TNNI3K: variants seen among roughly 807,000 people sequenced by gnomAD.
TNNI3K encodes the protein serine/threonine-protein kinase TNNI3K.
In TNNI3K, 140 loss-of-function variants were observed where a neutral mutation model predicts 114.5. The observed-to-expected ratio is 1.22, with a 90% confidence interval of 1.07 to 1.41. The LOEUF is 1.41. Among genes scored for constraint, TNNI3K ranks in the 40% most tolerant of loss-of-function variants. The pLI is 0.00. For missense variants in TNNI3K, 1,125 were observed against 1,007.6 expected (o/e 1.12, Z -1.58); for synonymous variants, 347 against 347.5 (o/e 1.00, Z 0.02).
At chr1:74,301,354 C>T (rs979279717) in intron 5 of TNNI3K, among the ~76,000 whole-genome samples, 7 of 151,906 alleles carry the variant, frequency 4.6e-5, no homozygotes, top group South Asian at 2.1e-4. Flanking sequence ...GAGCCGAGAT[C>T]GAGCCACTGC....
At chr1:74,288,905 G>T (rs1018159512) in intron 5 of TNNI3K, among the ~76,000 whole-genome samples, 4 of 151,878 alleles carry the variant, frequency 2.6e-5, no homozygotes, top group Non-Finnish European at 4.4e-5. Flanking sequence ...TTATTTGTCA[G>T]TTATACCTCA....
chr1:74,462,190 A>T lies in TNNI3K; in HGVS notation c.2012-1251A>T, dbSNP rs1446105149. Reference sequence around the variant, plus strand: ...TTGGCAAAATTAGGTAATCATTCAGAATAATCCATAAAGTGTTGATCAAAT... The same window carrying T: ...TTGGCAAAATTAGGTAATCATTCAGTATAATCCATAAAGTGTTGATCAAAT... On this transcript the variant is annotated intron_variant, in intron 20 of 24. Coordinates refer to ENST00000326637, the MANE Select transcript of TNNI3K (RefSeq NM_015978.3). Among the ~76,000 whole-genome samples, 3 of 152,340 alleles carry T rather than the reference A, an allele frequency of 2.0e-5. No homozygotes were observed. In the South Asian group the frequency reaches 6.2e-4, roughly 32 times the overall value.
intron 20 of TNNI3K, among the ~76,000 whole-genome samples, chr1:74,460,072 C>T (rs1667384852): frequency 6.6e-6 from 1 of 151,714 alleles, no homozygotes; most frequent in South Asian, 2.1e-4. Context: ...TATTTAACAA[C>T]ATATAACTTT....
At chr1:74,238,429 A>C (rs935859225) in intron 2 of TNNI3K, among the ~76,000 whole-genome samples, 3 of 152,058 alleles carry the variant, frequency 2.0e-5, no homozygotes, top group African/African-American at 7.2e-5. Context: ...GAGTAGTTGG[A>C]AATTTCTATT....
intron 23 of TNNI3K, among the ~76,000 whole-genome samples, chr1:74,537,562 A>C (rs1394797338): frequency 6.6e-6 from 1 of 152,212 alleles, no homozygotes; most frequent in Non-Finnish European, 1.5e-5. Flanking sequence ...GTAATAATTT[A>C]ATTTTATTTA....
intron 17 of TNNI3K, among the ~76,000 whole-genome samples, chr1:74,428,980 A>G (rs1374040049): frequency 1.3e-5 from 2 of 152,068 alleles, no homozygotes; most frequent in African/African-American, 2.4e-5. Context: ...TTATTTGGCC[A>G]TGAACTTAAA....
chr1:74,437,092 T>C (rs995836050), intron 19 of TNNI3K, among the ~76,000 whole-genome samples: 3 of 152,104 alleles, frequency 2.0e-5, no homozygotes, highest in African/African-American at 7.2e-5. Flanking sequence ...CTTCTCTTTC[T>C]GGACTACTTG....
At chr1:74,393,793 C>T (rs1232691038) in intron 17 of TNNI3K, among the ~76,000 whole-genome samples, 2 of 152,098 alleles carry the variant, frequency 1.3e-5, no homozygotes, top group African/African-American at 2.4e-5. Context: ...ACTATTTCAC[C>T]TCAGATCATT....
At chr1:74,353,398 T>C (rs778596667) in intron 10 of TNNI3K, 38 bp downstream of exon 10, 2 of 1,603,968 alleles carry the variant, frequency 1.2e-6, no homozygotes, top group East Asian at 4.5e-5. Flanking sequence ...TTCTATATGC[T>C]TATCAATGAT....
At chr1:74,368,006 G>A in intron 13 of TNNI3K, 42 bp downstream of exon 13, 1 of 1,487,518 alleles carries the variant, frequency 6.7e-7, no homozygotes, top group Non-Finnish European at 9.0e-7. Flanking sequence ...AATTACTAAG[G>A]ATAACTATTG....
At chr1:74,406,690 A>C (rs1329816140) in intron 17 of TNNI3K, among the ~76,000 whole-genome samples, 1 of 152,216 alleles carries the variant, frequency 6.6e-6, no homozygotes, top group Non-Finnish European at 1.5e-5. Flanking sequence ...TGTACAGTTT[A>C]ACACATTTAT....
At chr1:74,254,987 T>C (rs1557453180) in intron 4 of TNNI3K, among the ~76,000 whole-genome samples, 1 of 152,166 alleles carries the variant, frequency 6.6e-6, no homozygotes, top group East Asian at 1.9e-4. Context: ...TAAAGCAAAA[T>C]TAGGAATGCC....
intron 17 of TNNI3K, chr1:74,375,670 A>G (rs1234031281): frequency 8.8e-6 from 4 of 452,094 alleles, no homozygotes; most frequent in Admixed American, 2.4e-5. Flanking sequence ...CAACTTTGAC[A>G]CCCTATGATA....
intron 23 of TNNI3K, among the ~76,000 whole-genome samples, chr1:74,513,902 T>C (rs574026691): frequency 1.3e-5 from 2 of 152,334 alleles, no homozygotes; most frequent in Admixed American, 6.5e-5. Context: ...AAAGCTCAGA[T>C]GCATCTGGTG....
chr1:74,410,799 T>C (rs1430909867), intron 17 of TNNI3K, among the ~76,000 whole-genome samples: 1 of 152,234 alleles, frequency 6.6e-6, no homozygotes, highest in Admixed American at 6.5e-5. Flanking sequence ...TATGCTCTTA[T>C]GGTGCTCTCA....
chr1:74,250,113 C>T (rs1009281883), intron 3 of TNNI3K, among the ~76,000 whole-genome samples: 7 of 152,030 alleles, frequency 4.6e-5, no homozygotes, highest in Non-Finnish European at 7.4e-5. Flanking sequence ...TTTGTTAATC[C>T]AAACTAAATT....
Position 74,513,680 on chromosome 1 carries a change from C to T in TNNI3K, c.2351+21414C>T, listed in dbSNP as rs115510123. ...AGTCATCCTTTTTGTTTCAGAGTTT[C>T]ATGTTTAGGGGTTGAAAAGCTAGAT... On this transcript the variant is annotated intron_variant, in intron 23 of 24. Transcript: ENST00000326637. 8.8e-3 allele frequency among the ~76,000 whole-genome samples: 1,344 copies of T among 152,220 alleles called. 19 individuals carry two copies. Among genetic ancestry groups the T allele is most frequent in the African/African-American group, 0.031 (1,271 of 41,530 alleles).
At chr1:74,345,432 A>C (rs1237568225) in intron 9 of TNNI3K, among the ~76,000 whole-genome samples, 3 of 152,176 alleles carry the variant, frequency 2.0e-5, no homozygotes, top group African/African-American at 7.2e-5. Flanking sequence ...AATTACAAAG[A>C]AGCAGAGGGG....
chr1:74,427,180 G>A (rs964546581), intron 17 of TNNI3K, among the ~76,000 whole-genome samples: 3 of 150,218 alleles, frequency 2.0e-5, no homozygotes, highest in Non-Finnish European at 4.4e-5. Context: ...GCATTTCAGG[G>A]CTTTATGTAC....
Sources: gnomAD v4.1 joint callset for allele counts (sites outside exome capture counted in the v4.1 genomes callset) on GRCh38, gnomAD v4.1.1 for gene constraint, MANE v1.5 for transcripts, NCBI Gene and HGNC (gene_info 2026-07-23, HGNC 2026-07-21) for gene names.